The following ARID4A variants were observed in gnomAD, a reference collection of about 807,000 sequenced individuals.
The protein encoded by ARID4A is AT-rich interactive domain-containing protein 4A.
A neutral mutation model predicts 148.6 loss-of-function variants in ARID4A; 39 were observed. The ratio of observed to expected loss-of-function variants is 0.26; its 90% confidence interval spans 0.20 to 0.34. The LOEUF (loss-of-function observed/expected upper bound fraction) is 0.34. ARID4A is among the 10% of genes least tolerant of loss of function. The probability of loss-of-function intolerance (pLI) is 1.00; values close to 1 mark genes in which losing one functional copy is unlikely to be tolerated. For synonymous variants in ARID4A, 475 were observed against 481.2 expected (o/e 0.99, Z 0.17); for missense variants, 1,265 against 1,449.1 (o/e 0.87, Z 2.06).
At chr14:58,370,634 G>A (rs1282262297) in intron 23 of ARID4A, among the ~76,000 whole-genome samples, 1 of 150,214 alleles carries the variant, frequency 6.7e-6, no homozygotes, top group African/African-American at 2.5e-5. Flanking sequence ...TTGTTGTTGG[G>A]GGGTACAGGC....
chr14:58,304,537 G>A (rs2031449767), intron 3 of ARID4A, among the ~76,000 whole-genome samples: 5 of 152,036 alleles, frequency 3.3e-5, no homozygotes, highest in Admixed American at 3.3e-4. Context: ...TCAGAGTTCT[G>A]GTTTTAATTT....
At chr14:58,354,832 A>G (rs1295677975) in intron 17 of ARID4A, among the ~76,000 whole-genome samples, 1 of 152,210 alleles carries the variant, frequency 6.6e-6, no homozygotes, top group Admixed American at 6.5e-5. Flanking sequence ...TGGTAGAGAA[A>G]CAGCAATCAC....
intron 15 of ARID4A, among the ~76,000 whole-genome samples, chr14:58,348,789 A>G (rs531044763): frequency 4.1e-4 from 62 of 152,262 alleles, no homozygotes; most frequent in Non-Finnish European, 7.8e-4. Flanking sequence ...AGTAAATGGA[A>G]TCTTCTAGTG....
intron 2 of ARID4A, 99 bp from the exon 3 acceptor site, chr14:58,301,481 A>G (rs1437630815): frequency 5.7e-6 from 4 of 704,654 alleles, no homozygotes; most frequent in Non-Finnish European, 6.8e-6. Flanking sequence ...AAGTCATTTT[A>G]ATATTCTTAA....
intron 8 of ARID4A, among the ~76,000 whole-genome samples, 174 bp from the exon 9 acceptor site, chr14:58,328,063 G>T (rs1286662675): frequency 6.6e-6 from 1 of 151,828 alleles, no homozygotes; most frequent in Non-Finnish European, 1.5e-5. Flanking sequence ...AACATATAAG[G>T]GTATATTTTT....
Position 58,344,740 on chromosome 14 carries a change from C to T in ARID4A, c.952C>T (p.Gln318Ter). ...TGAAGAGAGGGACAACTTCCTCCAG[C>T]AGCTTTATAAGTTTATGGAAGACAG... is the stretch of plus-strand genomic sequence containing the variant. ...DPEERDNFLQ[Q>*]LYKFMEDRGT... The change falls in exon 12 of 24, where the codon CAG (glutamine) becomes TAG (stop). Residue 318 changes from glutamine to a stop codon, truncating the protein, a stop_gained. Transcript: ENST00000355431. LOFTEE classifies it high-confidence loss of function. 6.2e-7 allele frequency: 1 copy of T among 1,612,984 alleles called. No individual in the cohort carries two copies. Among genetic ancestry groups the T allele is most frequent in the Non-Finnish European group, 8.5e-7 (1 of 1,179,334 alleles).
intron 5 of ARID4A, among the ~76,000 whole-genome samples, chr14:58,310,707 G>A (rs913418562): frequency 1.3e-5 from 2 of 151,194 alleles, no homozygotes; most frequent in African/African-American, 4.9e-5. Context: ...ACACTGGCCC[G>A]GGCATTGATT....
intron 5 of ARID4A, among the ~76,000 whole-genome samples, chr14:58,309,841 C>T (rs147904396): frequency 1.1e-4 from 16 of 152,210 alleles, no homozygotes; most frequent in East Asian, 3.9e-4. Context: ...TTTTGAACAT[C>T]GGTTATATCA....
chr14:58,340,613 G>A (rs1190420024), intron 11 of ARID4A, among the ~76,000 whole-genome samples: 4 of 152,120 alleles, frequency 2.6e-5, no homozygotes, highest in Non-Finnish European at 5.9e-5. Context: ...GCCTCCCAAA[G>A]TGCTGGGATT....
At chr14:58,337,516 GGTGGGAGATTT>G (rs1404789542) in intron 11 of ARID4A, among the ~76,000 whole-genome samples, 1 of 151,918 alleles carries the variant, frequency 6.6e-6, no homozygotes, top group East Asian at 1.9e-4. Context: ...GAAACAAGGT[GGTGGGAGATTT>G]GTTATAAGGT....
At chr14:58,366,281 A>G in intron 22 of ARID4A, 51 bp downstream of exon 22, 1 of 1,305,104 alleles carries the variant, frequency 7.7e-7, no homozygotes, top group Non-Finnish European at 1.1e-6. Flanking sequence ...AGTGGAATAG[A>G]TCTTAAAATA....
At chr14:58,331,709 A>G (rs773336133) in intron 11 of ARID4A, among the ~76,000 whole-genome samples, 17 of 152,202 alleles carry the variant, frequency 1.1e-4, no homozygotes, top group Admixed American at 1.1e-3. Flanking sequence ...GAAACAAGAT[A>G]GATTCTGAAA....
intron 8 of ARID4A, among the ~76,000 whole-genome samples, chr14:58,326,890 C>T (rs1187145797): frequency 2.6e-5 from 4 of 152,116 alleles, no homozygotes; most frequent in African/African-American, 9.7e-5. Context: ...TGTACTTATC[C>T]TCCATTGTGT....
chr14:58,350,760 A>G (rs1474534620), intron 15 of ARID4A, among the ~76,000 whole-genome samples: 1 of 152,224 alleles, frequency 6.6e-6, no homozygotes, highest in African/African-American at 2.4e-5. Context: ...AAAGTGAGAT[A>G]AAATGATGTA....
chr14:58,371,334 A>C (rs1330141678), intron 23 of ARID4A, among the ~76,000 whole-genome samples: 1 of 152,226 alleles, frequency 6.6e-6, no homozygotes, highest in East Asian at 1.9e-4. Context: ...GAACTTAAAA[A>C]GTGGCAAAAC....
At chr14:58,340,685 A>G (rs918808577) in intron 11 of ARID4A, among the ~76,000 whole-genome samples, 2 of 150,270 alleles carry the variant, frequency 1.3e-5, no homozygotes, top group African/African-American at 4.9e-5. Context: ...GGACTTCACC[A>G]TGTTGGCCAG....
intron 11 of ARID4A, 146 bp downstream of exon 11, chr14:58,330,315 C>T: frequency 2.7e-6 from 3 of 1,118,948 alleles, no homozygotes; most frequent in Admixed American, 6.7e-5. Context: ...GTTGAGGAAG[C>T]ATTTTGGCTC....
At chr14:58,351,461 C>A in intron 16 of ARID4A, 138 bp downstream of exon 16, 1 of 1,163,716 alleles carries the variant, frequency 8.6e-7, no homozygotes, top group Non-Finnish European at 1.2e-6. Flanking sequence ...AGGTGAGACA[C>A]ATTGTGAAGA....
intron 15 of ARID4A, 95 bp downstream of exon 15, chr14:58,347,973 C>T: frequency 1.2e-6 from 1 of 829,806 alleles, no homozygotes; most frequent in Non-Finnish European, 1.8e-6. Context: ...CTACAGTGAA[C>T]CTAGTTTATT....
Sources: gnomAD v4.1 joint callset for allele counts (sites outside exome capture counted in the v4.1 genomes callset) on GRCh38, gnomAD v4.1.1 for gene constraint, MANE v1.5 for transcripts, NCBI Gene and HGNC (gene_info 2026-07-23, HGNC 2026-07-21) for gene names.